GPHN: variants seen among roughly 807,000 people sequenced by gnomAD.
The protein encoded by GPHN is gephyrin.
In GPHN, 17 loss-of-function variants were observed where a neutral mutation model predicts 95.5. The ratio of observed to expected loss-of-function variants is 0.18; its 90% CI spans 0.12 to 0.27. The LOEUF (loss-of-function observed/expected upper bound fraction) is 0.27, where lower values mean the gene tolerates loss of function less well. GPHN is among the 10% of genes least tolerant of loss of function. GPHN has a pLI of 1.00. For missense variants in GPHN, 660 were observed against 978.1 expected (o/e 0.67, Z 4.34); for synonymous variants, 320 against 322.5 (o/e 0.99, Z 0.08).
At chr14:66,997,808 C>T (rs779847912) in intron 9 of GPHN, among the ~76,000 whole-genome samples, 6 of 152,034 alleles carry the variant, frequency 3.9e-5, no homozygotes, top group Non-Finnish European at 7.4e-5. Flanking sequence ...TGAAACATAC[C>T]ACTAGGGAGA....
the GPHN span, chr14:67,352,870 GC>G: frequency 8.3e-7 from 1 of 1,203,994 alleles, no homozygotes. Flanking sequence ...AATGCCAAGG[GC>G]CATGCTGGAT....
At chr14:66,840,810 A>T (rs1301231972) in intron 4 of GPHN, among the ~76,000 whole-genome samples, 1 of 151,228 alleles carries the variant, frequency 6.6e-6, no homozygotes, top group African/African-American at 2.4e-5. Flanking sequence ...CCTGTTTTAG[A>T]ACATTCCTAT....
the GPHN span, among the ~76,000 whole-genome samples, chr14:67,502,456 CT>C: frequency 3.5e-4 from 48 of 137,636 alleles, no homozygotes; most frequent in Admixed American, 5.1e-4. Context: ...AAGGTGATTT[CT>C]TTTTTTTTTT....
the GPHN span, among the ~76,000 whole-genome samples, chr14:67,212,855 C>G: frequency 6.6e-6 from 1 of 151,364 alleles, no homozygotes. Flanking sequence ...GCTGCTTGAG[C>G]ACTGCATTTT....
chr14:66,635,668 C>T (rs948561789), intron 1 of GPHN, among the ~76,000 whole-genome samples: 7 of 152,038 alleles, frequency 4.6e-5, no homozygotes, highest in East Asian at 1.9e-4. Flanking sequence ...AAAACAACGA[C>T]GAAAAAGCAA....
At position 66,583,394 on chromosome 14, in the gene GPHN, A is replaced by G. The variant is rs747222103; in HGVS notation, c.64+74803A>G. Among the ~76,000 whole-genome samples the G allele has an allele frequency of 8.9e-3, 1,357 of 151,974 alleles. 15 individuals carry two copies. Among genetic ancestry groups the G allele is most frequent in the Non-Finnish European group, 0.015 (1,005 of 67,932 alleles). On this transcript the variant is annotated intron_variant, in intron 1 of 22. Transcript: ENST00000478722. ...TGCAGAAGCTCTTTAGTTTAATTAG[A>G]TCCCATTTGTCAATTTTGGCTTTTG...
chr14:67,317,575 A>G, the GPHN span: 1 of 741,654 alleles, frequency 1.3e-6, no homozygotes, highest in East Asian at 3.0e-5. Flanking sequence ...TGCTTGAGAA[A>G]ATCATTTAGT....
At chr14:66,967,060 G>T (rs903677320) in intron 9 of GPHN, among the ~76,000 whole-genome samples, 3 of 151,806 alleles carry the variant, frequency 2.0e-5, no homozygotes. Context: ...ACACTTAGAT[G>T]TTCAAATTGA....
At chr14:67,110,568 G>A (rs112624616) in intron 14 of GPHN, among the ~76,000 whole-genome samples, 1 of 152,154 alleles carries the variant, frequency 6.6e-6, no homozygotes, top group African/African-American at 2.4e-5. Context: ...AGAAAGAAAT[G>A]CAGAGATATT....
At chr14:66,806,339 G>T (rs1267632365) in intron 3 of GPHN, among the ~76,000 whole-genome samples, 1 of 152,174 alleles carries the variant, frequency 6.6e-6, no homozygotes, top group African/African-American at 2.4e-5. Context: ...TGCTGCAAAG[G>T]TCTCTGACAG....
chr14:66,657,081 C>T (rs1456336078), intron 1 of GPHN, among the ~76,000 whole-genome samples: 1 of 152,176 alleles, frequency 6.6e-6, no homozygotes, highest in Non-Finnish European at 1.5e-5. Context: ...GGTAAAAGTG[C>T]TGTTTCAGAT....
Position 67,144,250 on chromosome 14 carries a change from AATATATATATATATAT to A in GPHN, c.1836+823_1836+838del, listed in dbSNP as rs71129810. Among the ~76,000 whole-genome samples the A allele has an allele frequency of 1.3e-3, 76 of 57,778 alleles. 7 individuals carry two copies. The highest frequency in any genetic ancestry group is 5.4e-3 in the African/African-American group (67 of 12,488). The allele number at this position is 57,778 out of a possible 152,430, so 37.9% of individuals were successfully genotyped here. A position where few individuals can be genotyped will look rare whatever the true frequency, so the allele number is the denominator to read the frequency against. On this transcript the variant is annotated intron_variant, in intron 18 of 22. Coordinates refer to ENST00000478722, the MANE Select transcript of GPHN (RefSeq NM_020806.5). Reference sequence around the variant, plus strand: ...AGACCCTGTCTTAAAAAAAAAAAAAAATATATATATATATATATATATATATATATATATATACACA... The same window carrying A: ...AGACCCTGTCTTAAAAAAAAAAAAAAATATATATATATATATATATACACA...
At chr14:66,548,541 A>G (rs756756942) in intron 1 of GPHN, among the ~76,000 whole-genome samples, 2 of 152,200 alleles carry the variant, frequency 1.3e-5, no homozygotes, top group Non-Finnish European at 2.9e-5. Context: ...TGAACATAAT[A>G]TGTGAATTCT....
intron 3 of GPHN, among the ~76,000 whole-genome samples, chr14:66,790,705 C>T (rs111287610): frequency 6.5e-4 from 99 of 152,206 alleles, no homozygotes; most frequent in Admixed American, 1.9e-3. Context: ...TGTGGCAGGG[C>T]GGGGAGGGTC....
chr14:66,629,007 G>A (rs2063627137), intron 1 of GPHN, among the ~76,000 whole-genome samples: 2 of 148,976 alleles, frequency 1.3e-5, no homozygotes, highest in South Asian at 4.2e-4. Context: ...TCAGGTTGCA[G>A]TGAACTCTGA....
At chr14:67,307,485 A>G in the GPHN span, among the ~76,000 whole-genome samples, 1 of 152,216 alleles carries the variant, frequency 6.6e-6, no homozygotes, top group Non-Finnish European at 1.5e-5. Flanking sequence ...CATATAAGCT[A>G]TTATTATGAT....
At chr14:66,922,035 A>T (rs1567105435) in intron 6 of GPHN, among the ~76,000 whole-genome samples, 1 of 152,042 alleles carries the variant, frequency 6.6e-6, no homozygotes, top group Admixed American at 6.5e-5. Flanking sequence ...TTTATCCTCA[A>T]CTCTCACCTT....
At chr14:67,325,189 G>A in the GPHN span, among the ~76,000 whole-genome samples, 4 of 152,136 alleles carry the variant, frequency 2.6e-5, no homozygotes, top group Admixed American at 6.6e-5. Flanking sequence ...ACAGGCGTGA[G>A]CCACCAGGCC....
the GPHN span, chr14:67,646,898 C>T: frequency 2.0e-6 from 3 of 1,512,488 alleles, no homozygotes; most frequent in Non-Finnish European, 2.8e-6. Flanking sequence ...ACTAAGGACT[C>T]CTCCCTTTAT....
Sources: allele counts gnomAD v4.1 joint callset (sites outside exome capture counted in the v4.1 genomes callset), GRCh38; gene constraint gnomAD v4.1.1; transcripts MANE v1.5; gene names NCBI Gene and HGNC (gene_info 2026-07-23, HGNC 2026-07-21).